RGS6: variants seen among roughly 807,000 people sequenced by gnomAD.
RGS6 encodes the protein regulator of G-protein signaling 6.
A neutral mutation model predicts 78.5 loss-of-function variants in RGS6; 30 were observed. That is an observed-to-expected ratio of 0.38 (90% CI 0.29 to 0.52). The LOEUF is 0.52. Among genes scored for constraint, RGS6 ranks in the 20% least tolerant of loss-of-function variants. The pLI is 0.85. For synonymous variants in RGS6, 206 were observed against 206.0 expected (o/e 1.00, Z 0.00); for missense variants, 495 against 609.7 (o/e 0.81, Z 1.98).
At chr14:71,969,264 C>G (rs531540573) in intron 2 of RGS6, among the ~76,000 whole-genome samples, 1 of 152,274 alleles carries the variant, frequency 6.6e-6, no homozygotes, top group East Asian at 1.9e-4. Context: ...AAGTTTCATT[C>G]TACTCATTGG....
intron 2 of RGS6, among the ~76,000 whole-genome samples, chr14:72,195,730 T>C (rs1599264406): frequency 6.6e-6 from 1 of 152,344 alleles, no homozygotes. Context: ...AGTTACCCTG[T>C]TGTTAGCTAT....
intron 17 of RGS6, among the ~76,000 whole-genome samples, chr14:72,561,630 C>T (rs2097677855): frequency 6.6e-6 from 1 of 152,250 alleles, no homozygotes; most frequent in South Asian, 2.1e-4. Flanking sequence ...CAACGGGACT[C>T]TCCTGGCACC....
intron 2 of RGS6, among the ~76,000 whole-genome samples, chr14:71,972,144 A>C (rs1475859955): frequency 6.6e-6 from 1 of 151,876 alleles, no homozygotes; most frequent in Non-Finnish European, 1.5e-5. Context: ...TCCTAATGCT[A>C]TCCCTCCCCC....
chr14:72,122,742 T>A (rs372932477), intron 2 of RGS6, among the ~76,000 whole-genome samples: 253 of 137,322 alleles, frequency 1.8e-3, no homozygotes, highest in African/African-American at 7.0e-3. Context: ...AAGTTATCGT[T>A]TTTTTTTTTT....
intron 2 of RGS6, among the ~76,000 whole-genome samples, chr14:72,203,674 AGAGAGGGGAATCT>A (rs759335069): frequency 2.2e-4 from 34 of 152,216 alleles, no homozygotes; most frequent in Admixed American, 5.2e-4. Context: ...GGCTTCCCCC[AGAGAGGGGAATCT>A]GAGAGAAAGA....
chr14:72,004,677 T>C, intron 2 of RGS6, among the ~76,000 whole-genome samples: 1 of 151,966 alleles, frequency 6.6e-6, no homozygotes, highest in Non-Finnish European at 1.5e-5. Context: ...CTACAAAAAT[T>C]AGCCAGGCAT....
the RGS6 span, among the ~76,000 whole-genome samples, chr14:71,881,998 A>C: frequency 6.6e-6 from 1 of 152,236 alleles, no homozygotes; most frequent in African/African-American, 2.4e-5. Context: ...TGTGCAATTC[A>C]GTGGCATTAA....
At chr14:72,013,028 T>C (rs1171052345) in intron 2 of RGS6, among the ~76,000 whole-genome samples, 1 of 152,098 alleles carries the variant, frequency 6.6e-6, no homozygotes. Context: ...CCCAGCACTT[T>C]GGGAGGCTGA....
At chr14:72,503,586 G>C (rs200188167) in intron 13 of RGS6, among the ~76,000 whole-genome samples, 1 of 141,854 alleles carries the variant, frequency 7.0e-6, no homozygotes, top group African/African-American at 2.8e-5. Flanking sequence ...GAGAGAGAGA[G>C]AGAGAGAAAT....
intron 2 of RGS6, among the ~76,000 whole-genome samples, chr14:72,008,707 C>G (rs184307831): frequency 6.6e-6 from 1 of 152,254 alleles, no homozygotes; most frequent in African/African-American, 2.4e-5. Flanking sequence ...TGGTGGAGGC[C>G]CACATGGTGA....
intron 2 of RGS6, among the ~76,000 whole-genome samples, chr14:72,111,994 A>G (rs184537747): frequency 6.6e-6 from 1 of 152,178 alleles, no homozygotes; most frequent in African/African-American, 2.4e-5. Context: ...GCTACAGTGC[A>G]ATTTGGCTCT....
Position 71,940,808 on chromosome 14 carries a change from T to C in RGS6, c.-21+7867T>C, listed in dbSNP as rs189827632. On this transcript the variant is annotated intron_variant, in intron 1 of 17. Coordinates refer to ENST00000553525, the MANE Select transcript of RGS6 (RefSeq NM_001204424.2). Reference sequence around the variant, plus strand: ...CCTCCCAAGTCTATTTTGCAAGGCATTGGTCAAGGGTATATCTTCTGGACC... The same window carrying C: ...CCTCCCAAGTCTATTTTGCAAGGCACTGGTCAAGGGTATATCTTCTGGACC... Among the ~76,000 whole-genome samples, 7 of 152,290 alleles carry C rather than the reference T, an allele frequency of 4.6e-5. No homozygotes were observed. In the East Asian group the frequency reaches 1.2e-3, roughly 25 times the overall value.
At chr14:72,202,190 A>G (rs1017102840) in intron 2 of RGS6, among the ~76,000 whole-genome samples, 3 of 152,212 alleles carry the variant, frequency 2.0e-5, no homozygotes, top group Admixed American at 6.5e-5. Context: ...ATTAGGGAAT[A>G]CAAATTATGT....
At chr14:72,427,743 G>C (rs2094486370) in intron 3 of RGS6, among the ~76,000 whole-genome samples, 1 of 152,070 alleles carries the variant, frequency 6.6e-6, no homozygotes, top group Non-Finnish European at 1.5e-5. Flanking sequence ...ATCCATGAAG[G>C]GGACCCATTT....
At chr14:71,958,032 T>C (rs1410314955) in intron 1 of RGS6, among the ~76,000 whole-genome samples, 7 of 151,992 alleles carry the variant, frequency 4.6e-5, no homozygotes, top group Non-Finnish European at 1.0e-4. Context: ...TATATATATA[T>C]ATATGCAGCT....
At chr14:72,102,289 T>A (rs1412794017) in intron 2 of RGS6, among the ~76,000 whole-genome samples, 1 of 152,234 alleles carries the variant, frequency 6.6e-6, no homozygotes, top group Admixed American at 6.5e-5. Context: ...TTCTCGCTTT[T>A]ATCTTCTGCT....
At chr14:71,933,231 A>C (rs966555558) in intron 1 of RGS6, 2 of 152,248 alleles carry the variant, frequency 1.3e-5, no homozygotes, top group African/African-American at 4.8e-5. Context: ...TGTGAAGCGC[A>C]CACCGACGGG....
chr14:72,399,787 T>C (rs1363700863), intron 3 of RGS6, among the ~76,000 whole-genome samples: 2 of 152,140 alleles, frequency 1.3e-5, no homozygotes, highest in Non-Finnish European at 2.9e-5. Flanking sequence ...CCTTCACTTA[T>C]GAAGCTTAGT....
chr14:72,137,646 A>G (rs899572916), intron 2 of RGS6, among the ~76,000 whole-genome samples: 2 of 152,358 alleles, frequency 1.3e-5, no homozygotes, highest in Middle Eastern at 3.4e-3. Context: ...AGGATTTTTT[A>G]AAGATACAAG....
Sources: gnomAD v4.1 joint callset for allele counts (sites outside exome capture counted in the v4.1 genomes callset) on GRCh38, gnomAD v4.1.1 for gene constraint, MANE v1.5 for transcripts, NCBI Gene and HGNC (gene_info 2026-07-23, HGNC 2026-07-21) for gene names.